ZNF764: variants seen among roughly 807,000 people sequenced by gnomAD.
ZNF764 encodes zinc finger protein 764.
In ZNF764, 10 loss-of-function variants were observed where a neutral mutation model predicts 13.9. The ratio of observed to expected loss-of-function variants is 0.72; its 90% CI spans 0.44 to 1.22. ZNF764 has a LOEUF of 1.22. Among genes scored for constraint, ZNF764 ranks in the 50% most tolerant of loss-of-function variants. The pLI, the probability that ZNF764 is intolerant of heterozygous loss-of-function variation, is 0.00. For missense variants in ZNF764, 647 were observed against 589.7 expected, an observed-to-expected ratio of 1.10 and a Z score of -1.01; for synonymous variants, 313 against 255.1, an observed-to-expected ratio of 1.23 and a Z score of -2.16.
In ZNF764 at chr16:30,555,383, CGGGCAGGGGTA is replaced by C. The variant is rs1348310806; in HGVS notation, c.1024_1034del (p.Tyr342AlafsTer71). On this transcript the variant is annotated frameshift_variant, in exon 3 of 3. Transcript: ENST00000395091. LOFTEE classifies it low-confidence loss of function (END_TRUNC). ...TCTGGCCAAAGCGGCGGCCGCACTG[CGGGCAGGGGTA>C]GGGCTTCTCGCCGCTGTGGGTGCGC... 2.5e-6 allele frequency: 4 copies of C among 1,582,828 alleles called. No individual in the cohort carries two copies. The East Asian group carries it at 9.3e-5, about 37-fold the overall frequency.
rs1437121037 is a variant in ZNF764, at chr16:30,555,242, C to T, written c.1176G>A (p.Pro392=). ...TLTPGHGDLD[P]PVGFQLYPEI... is the part of the protein sequence containing the mutation. The stretch of plus-strand genomic sequence containing the variant: ...CCGGGTACAGCTGGAAGCCCACGGG[C>T]GGGTCCAGGTCTCCGTGGCCAGGGG... Residue 392 remains proline, a synonymous_variant, in exon 3 of 3, where the codon CCG becomes CCA. Transcript: ENST00000395091. 1 of 1,611,634 alleles carries T rather than the reference C, an allele frequency of 6.2e-7. No homozygotes were observed. The highest frequency in any genetic ancestry group is 1.3e-5 in the African/African-American group (1 of 74,824).
At position 30,556,060 on chromosome 16, in the gene ZNF764, G is replaced by C. The variant is rs2051553550; in HGVS notation, c.358C>G (p.Leu120Val). Residue 120 changes from leucine (L) to valine (V), a missense_variant, in exon 3 of 3, where the codon CTG becomes GTG. By Grantham distance (32) the Leu-to-Val change is conservative. Coordinates refer to ENST00000395091, the MANE Select transcript of ZNF764 (RefSeq NM_001172679.2). ...GCGGCCACAGGGTCGGGCTTCTCCA[G>C]GGCTCCCGTCCCTTCCCTTTGTCTT... ...KERQREGTGA[L>V]EKPDPVAAGS... 1 of 1,612,490 alleles carries C rather than the reference G, an allele frequency of 6.2e-7. No individual in the cohort carries two copies. The highest frequency in any genetic ancestry group is 1.1e-5 in the South Asian group (1 of 91,042).
rs1736665704 is a variant in ZNF764 at position 30,555,122 on chromosome 16, C to A, written c.*72G>T. 2 of 1,506,646 alleles carry A rather than the reference C, an allele frequency of 1.3e-6. No individual in the cohort carries two copies. The highest frequency in any genetic ancestry group is 4.7e-5 in the East Asian group (2 of 42,908). 93.3% of individuals were successfully genotyped at this position (1,506,646 alleles called of 1,614,324 possible). On this transcript the variant is annotated 3_prime_UTR_variant, in exon 3 of 3. Coordinates refer to ENST00000395091, the MANE Select transcript of ZNF764 (RefSeq NM_001172679.2). ...TAGATTCTGGGACCTCCCTGCAGGC[C>A]GCCGCAGAGGTTCGGGCCCCTGAGC...
chr16:30,557,934 C>T (rs2151226368), intron 1 of ZNF764, 53 bp downstream of exon 1: 1 of 1,572,364 alleles, frequency 6.4e-7, no homozygotes, highest in South Asian at 1.2e-5. Flanking sequence ...CTCCCAGAGG[C>T]GCGGCAGGGC....
chr16:30,555,877 T>C lies in ZNF764; in HGVS notation c.541A>G (p.Lys181Glu). 1 of 1,611,582 alleles carries C rather than the reference T, an allele frequency of 6.2e-7. No individual in the cohort carries two copies. Among genetic ancestry groups the C allele is most frequent in the Non-Finnish European group, 8.5e-7 (1 of 1,179,210 alleles). ...DQRHGCYVCG[K>E]SFAWRSTLVE... ...AGTGTGGAGCGCCAGGCAAAGCTCT[T>C]CCCGCACACGTAGCAGCCATGACGC... The change falls in exon 3 of 3, where the codon AAG becomes GAG. Residue 181 changes from lysine to glutamate, a missense_variant. Lys to Glu is a moderately conservative substitution (Grantham distance 56). Coordinates refer to ENST00000395091, the MANE Select transcript of ZNF764 (RefSeq NM_001172679.2).
chr16:30,557,751 G>T lies in ZNF764; in HGVS notation c.292C>A (p.Gln98Lys). The T allele has an allele frequency of 6.2e-7, 1 of 1,613,642 alleles. No homozygotes were observed. The highest frequency in any genetic ancestry group is 8.5e-7 in the Non-Finnish European group (1 of 1,179,756). Residue 98 changes from glutamine (Q) to lysine (K), a missense_variant, in exon 2 of 3, where the codon CAG becomes AAG. Gln to Lys is a moderately conservative substitution (Grantham distance 53, BLOSUM62 1). Coordinates refer to ENST00000395091, the MANE Select transcript of ZNF764 (RefSeq NM_001172679.2). ...AAQDPEVAKC[Q>K]TQTDPDSRNK... Reference sequence around the variant, plus strand: ...ACTCCACCTGGGTCCGTTTGTGTCTGACATTTCGCCACCTCCGGATCCTGG... The same window carrying T: ...ACTCCACCTGGGTCCGTTTGTGTCTTACATTTCGCCACCTCCGGATCCTGG...
chr16:30,557,727 C>G lies in ZNF764; in HGVS notation c.310+6G>C. 1 of 1,613,490 alleles carries G rather than the reference C, an allele frequency of 6.2e-7. No individual in the cohort carries two copies. On this transcript the variant is annotated splice_donor_region_variant and intron_variant, in intron 2 of 2. Coordinates refer to ENST00000395091, the MANE Select transcript of ZNF764 (RefSeq NM_001172679.2). ...TCCCCATGGGACTGAGCACCCGATA[C>G]TCCACCTGGGTCCGTTTGTGTCTGA...
chr16:30,554,965 G>A lies in ZNF764; in HGVS notation c.*229C>T. ...TGGTTCCCCTTATGTAGGTCTGGGG[G>A]TTCTCAACTCAGCCCTGCCTCAGTA... is the stretch of plus-strand genomic sequence containing the variant. On this transcript the variant is annotated 3_prime_UTR_variant, in exon 3 of 3. Transcript: ENST00000395091. 1 of 532,118 alleles carries A rather than the reference G, an allele frequency of 1.9e-6. No homozygotes were observed. 33.0% of individuals were successfully genotyped at this position (532,118 alleles called of 1,614,324 possible).
chr16:30,554,831 A>C lies in ZNF764; in HGVS notation c.*363T>G. On this transcript the variant is annotated 3_prime_UTR_variant, in exon 3 of 3. Coordinates refer to ENST00000395091, the MANE Select transcript of ZNF764 (RefSeq NM_001172679.2). ...AAGACAATGAGTATTGTGTTCTGGG[A>C]GGGTCACAAGAATAAAAATAATGAT... 4.4e-6 allele frequency: 1 copy of C among 226,570 alleles called. No individual in the cohort carries two copies. The highest frequency in any genetic ancestry group is 9.5e-5 in the East Asian group (1 of 10,548). 14.0% of individuals were successfully genotyped at this position (226,570 alleles called of 1,614,324 possible).
intron 2 of ZNF764, among the ~76,000 whole-genome samples, chr16:30,556,838 TAAAAATAC>T (rs964136461): frequency 6.6e-6 from 1 of 151,858 alleles, no homozygotes; most frequent in African/African-American, 2.4e-5. Flanking sequence ...CTGTCTCTAC[TAAAAATAC>T]AAAAAATTGG....
rs2051574450 is a variant in ZNF764, at chr16:30,558,131, G to A, written c.52C>T (p.Pro18Ser). The change falls in exon 1 of 3, where the codon CCC (proline) becomes TCC (serine). Residue 18 changes from proline (P) to serine (S), a missense_variant. Physicochemically the swap from Pro to Ser is moderately conservative, Grantham distance 74. Coordinates refer to ENST00000395091, the MANE Select transcript of ZNF764 (RefSeq NM_001172679.2). ...LPPRDPNGAG[P>S]EWREPGAVSF... ...ACAGCCCCCGGCTCCCTCCACTCGG[G>A]TCCGGCCCCGTTTGGGTCCCGGGGA... 2 of 1,606,166 alleles carry A rather than the reference G, an allele frequency of 1.2e-6. No homozygotes were observed. The highest frequency in any genetic ancestry group is 2.7e-5 in the African/African-American group (2 of 74,888).
rs572716992 is a variant in ZNF764 at position 30,557,743 on chromosome 16, T to C, written c.300A>G (p.Gln100=). 1.2e-6 allele frequency: 2 copies of C among 1,613,622 alleles called. No homozygotes were observed. The highest frequency in any genetic ancestry group is 1.7e-6 in the Non-Finnish European group (2 of 1,179,776). Residue 100 remains glutamine, a synonymous_variant, in exon 2 of 3, where the codon CAA becomes CAG. Transcript: ENST00000395091. ...CACCCGATACTCCACCTGGGTCCGTTTGTGTCTGACATTTCGCCACCTCCG... is the reference window on the plus strand; with the variant it reads ...CACCCGATACTCCACCTGGGTCCGTCTGTGTCTGACATTTCGCCACCTCCG... ...QDPEVAKCQT[Q]TDPDSRNKKK...
In ZNF764 at chr16:30,556,007, T is replaced by C. The variant is rs747027870; in HGVS notation, c.411A>G (p.Gln137=). 10 of 1,612,698 alleles carry C rather than the reference T, an allele frequency of 6.2e-6. No homozygotes were observed. The highest frequency in any genetic ancestry group is 8.5e-6 in the Non-Finnish European group (10 of 1,179,980). The change falls in exon 3 of 3, where the codon CAA becomes CAG. Residue 137 remains glutamine, a synonymous_variant. Coordinates refer to ENST00000395091, the MANE Select transcript of ZNF764 (RefSeq NM_001172679.2). ...AAGSPGLKSP[Q]APSAGPPYGW... The stretch of plus-strand genomic sequence containing the variant: ...CATAAGGGGGCCCGGCCGAGGGGGC[T>C]TGGGGAGACTTCAGCCCAGGAGACC...
At position 30,555,060 on chromosome 16, in the gene ZNF764, G is replaced by C. The variant is rs2051536000; in HGVS notation, c.*134C>G. ...GCAGAGGAGGCTGCTAAGGGCCCAAGATCAGACTGTCCGCACCCCAGGGCC... is the reference window on the plus strand; with the variant it reads ...GCAGAGGAGGCTGCTAAGGGCCCAACATCAGACTGTCCGCACCCCAGGGCC... On this transcript the variant is annotated 3_prime_UTR_variant, in exon 3 of 3. Coordinates refer to ENST00000395091, the MANE Select transcript of ZNF764 (RefSeq NM_001172679.2). 1 of 1,086,008 alleles carries C rather than the reference G, an allele frequency of 9.2e-7. No individual in the cohort carries two copies. Among genetic ancestry groups the C allele is most frequent in the East Asian group, 2.7e-5 (1 of 36,982 alleles). 67.3% of individuals were successfully genotyped at this position (1,086,008 alleles called of 1,614,324 possible). A position where few individuals can be genotyped will look rare whatever the true frequency, so the allele number is the denominator to read the frequency against.
intron 2 of ZNF764, among the ~76,000 whole-genome samples, chr16:30,556,319 G>A (rs943207780): frequency 6.6e-6 from 1 of 152,076 alleles, no homozygotes; most frequent in Non-Finnish European, 1.5e-5. Context: ...TCACGGTGGG[G>A]GAAGGGCAGA....
In ZNF764 at chr16:30,555,687, G is replaced by A. The variant is rs528564302; in HGVS notation, c.731C>T (p.Ala244Val). ...ECGRAFTQRS[A>V]LTSHLRVHTG... is the part of the protein sequence containing the mutation. ...GTGGACGCGCAGGTGCGAAGTCAGC[G>A]CCGAGCGCTGCGTGAAGGCCCGGCC... Residue 244 changes from alanine (A) to valine (V), a missense_variant, in exon 3 of 3, where the codon GCG (alanine) becomes GTG (valine). Coordinates refer to ENST00000395091, the MANE Select transcript of ZNF764 (RefSeq NM_001172679.2). 3.9e-5 allele frequency: 61 copies of A among 1,566,318 alleles called. 1 individual carries two copies. Among genetic ancestry groups the A allele is most frequent in the Admixed American group, 2.6e-4 (14 of 53,190 alleles).
chr16:30,555,491 G>A lies in ZNF764; in HGVS notation c.927C>T (p.Thr309=). ...CCGGGCACGGGTAGGGCTTCTCGCC[G>A]GTGTGGGTGCGCACGTGGCGCCGCA... The part of the protein sequence containing the change: ...SDLRRHVRTH[T]GEKPYPCPDC... The change falls in exon 3 of 3, where the codon ACC becomes ACT. Residue 309 remains threonine (T), a synonymous_variant. Coordinates refer to ENST00000395091, the MANE Select transcript of ZNF764 (RefSeq NM_001172679.2). 6 of 1,545,606 alleles carry A rather than the reference G, an allele frequency of 3.9e-6. No homozygotes were observed. Among genetic ancestry groups the A allele is most frequent in the Non-Finnish European group, 4.3e-6 (5 of 1,150,798 alleles).
In ZNF764 at chr16:30,555,042, A is replaced by C; in HGVS notation, c.*152T>G. On this transcript the variant is annotated 3_prime_UTR_variant, in exon 3 of 3. Coordinates refer to ENST00000395091, the MANE Select transcript of ZNF764 (RefSeq NM_001172679.2). ...GTGGGGAGCAAGGTGCTGGCAGAGG[A>C]GGCTGCTAAGGGCCCAAGATCAGAC... The C allele has an allele frequency of 3.5e-6, 3 of 868,704 alleles. No individual in the cohort carries two copies. The highest frequency in any genetic ancestry group is 3.4e-6 in the Non-Finnish European group (2 of 586,108). The allele number at this position is 868,704 out of a possible 1,614,324, so 53.8% of individuals were successfully genotyped here.
chr16:30,558,001 T>TGGCC lies in ZNF764; in HGVS notation c.178_181dup (p.His61ArgfsTer112), dbSNP rs756985989. ...GGGGCTCTCACCGAGAGCGCTCAGG[T>TGGCC]GGCCGTAGGTCTCCCGCATCACGTC... On this transcript the variant is annotated frameshift_variant, in exon 1 of 3. Coordinates refer to ENST00000395091, the MANE Select transcript of ZNF764 (RefSeq NM_001172679.2). LOFTEE classifies it high-confidence loss of function. 1.2e-4 allele frequency: 193 copies of TGGCC among 1,602,904 alleles called. No individual in the cohort carries two copies. The highest frequency in any genetic ancestry group is 1.5e-4 in the Non-Finnish European group (180 of 1,175,804).
Sources: allele counts gnomAD v4.1 joint callset (sites outside exome capture counted in the v4.1 genomes callset), GRCh38; gene constraint gnomAD v4.1.1; transcripts MANE v1.5; gene names NCBI Gene and HGNC (gene_info 2026-07-23, HGNC 2026-07-21).